The following SLC8A1 variants were observed in gnomAD, a reference collection of about 807,000 sequenced individuals.
SLC8A1 encodes the protein sodium/calcium exchanger 1.
Under a neutral mutation model 68.3 loss-of-function variants are expected in SLC8A1, and 18 were observed. That is an observed-to-expected ratio of 0.26 (90% CI 0.18 to 0.39). The LOEUF (loss-of-function observed/expected upper bound fraction) is 0.39. Ranked by LOEUF, SLC8A1 falls within the 10% of genes least tolerant of loss-of-function variation. SLC8A1 has a pLI of 1.00. For missense variants in SLC8A1, 985 were observed against 1,156.7 expected, an observed-to-expected ratio of 0.85 and a Z score of 2.15; for synonymous variants, 475 against 415.5, an observed-to-expected ratio of 1.14 and a Z score of -1.74.
Position 40,325,668 on chromosome 2 carries a change from G to A in SLC8A1, c.1808+102805C>T, listed in dbSNP as rs182147279. 4.7e-4 allele frequency among the ~76,000 whole-genome samples: 70 copies of A among 150,482 alleles called. No individual in the cohort carries two copies. In the South Asian group the frequency reaches 9.6e-3, roughly 21 times the overall value. ...AAAATAAGCATCTCTTGGGCCGGGC[G>A]CACGCCTGTAATCTCAGCACTTTGG... On this transcript the variant is annotated intron_variant, in intron 2 of 7. Coordinates refer to ENST00000406785, the Ensembl canonical transcript of SLC8A1.
intron 2 of SLC8A1, among the ~76,000 whole-genome samples, chr2:40,246,891 C>T (rs149990593): frequency 1.4e-4 from 22 of 152,154 alleles, no homozygotes; most frequent in African/African-American, 5.3e-4. Flanking sequence ...TGTGAAAACA[C>T]AGTAGCTACC....
chr2:40,496,528 G>T (rs939770630), intron 1 of SLC8A1, among the ~76,000 whole-genome samples: 15 of 151,950 alleles, frequency 9.9e-5, no homozygotes, highest in African/African-American at 3.4e-4. Flanking sequence ...CTTTTAAAAG[G>T]TTATTCTGAG....
chr2:40,463,856 ACACACACAC>A (rs1328757376), intron 1 of SLC8A1, among the ~76,000 whole-genome samples: 1 of 133,188 alleles, frequency 7.5e-6, no homozygotes, highest in Non-Finnish European at 1.5e-5. Flanking sequence ...ACACACACAC[ACACACACAC>A]ACACACACAC....
At chr2:40,469,721 T>C (rs533849774) in intron 1 of SLC8A1, among the ~76,000 whole-genome samples, 1 of 152,300 alleles carries the variant, frequency 6.6e-6, no homozygotes, top group South Asian at 2.1e-4. Context: ...TCCCCTGTCT[T>C]TCCTATATAT....
At chr2:40,251,362 G>GTGGAAAATCTCTTCATTGTTGTGTGGCA (rs1158479852) in intron 2 of SLC8A1, 3 of 152,178 alleles carry the variant, frequency 2.0e-5, no homozygotes, top group Non-Finnish European at 4.4e-5. Flanking sequence ...TACTGCTAAT[G>GTGGAAAATCTCTTCATTGTTGTGTGGCA]TGGAAAATCT....
At chr2:40,207,144 C>T (rs1253126643) in intron 2 of SLC8A1, among the ~76,000 whole-genome samples, 1 of 151,936 alleles carries the variant, frequency 6.6e-6, no homozygotes, top group African/African-American at 2.4e-5. Flanking sequence ...GGCATTTTTT[C>T]TTGGTTAGTG....
In SLC8A1 at chr2:40,449,653, G is replaced by A. The variant is rs937892865; in HGVS notation, c.-25+2251C>T. ...GTGCTTAATCTGAAACGTTACAGTA[G>A]GAACCACTATATAATAATATTAAAG... On this transcript the variant is annotated intron_variant, in intron 1 of 7. Coordinates refer to ENST00000406785, the Ensembl canonical transcript of SLC8A1. Among the ~76,000 whole-genome samples the A allele has an allele frequency of 2.8e-5, 4 of 144,068 alleles. No homozygotes were observed. In the East Asian group the frequency reaches 8.7e-4, roughly 31 times the overall value. The allele number at this position is 144,068 out of a possible 152,430, so 94.5% of individuals were successfully genotyped here.
chr2:40,277,486 G>T (rs1399507573), intron 2 of SLC8A1, among the ~76,000 whole-genome samples: 3 of 152,084 alleles, frequency 2.0e-5, no homozygotes, highest in Non-Finnish European at 4.4e-5. Flanking sequence ...GTTGCAGTGA[G>T]CTGAGATACG....
chr2:40,399,011 T>C (rs1174743857), intron 2 of SLC8A1, among the ~76,000 whole-genome samples: 1 of 152,152 alleles, frequency 6.6e-6, no homozygotes. Context: ...ATAAGGAATG[T>C]AAAGTCACAA....
At chr2:40,374,377 A>G (rs1679125565) in intron 2 of SLC8A1, among the ~76,000 whole-genome samples, 1 of 151,884 alleles carries the variant, frequency 6.6e-6, no homozygotes, top group Non-Finnish European at 1.5e-5. Flanking sequence ...ATTAAAAACA[A>G]AAACAAAAAC....
intron 1 of SLC8A1, among the ~76,000 whole-genome samples, chr2:40,449,066 G>A (rs72798679): frequency 0.042 from 6,354 of 151,216 alleles, 214 homozygotes; most frequent in Non-Finnish European, 0.059. Flanking sequence ...TTTTAGGGCA[G>A]TCTCCTTCTT....
intron 2 of SLC8A1, among the ~76,000 whole-genome samples, chr2:40,214,935 G>A (rs2057218978): frequency 6.6e-6 from 1 of 152,134 alleles, no homozygotes; most frequent in Non-Finnish European, 1.5e-5. Flanking sequence ...ATATGTCAAT[G>A]ATTTTACCGG....
chr2:40,172,987 A>G (rs105288), intron 4 of SLC8A1, among the ~76,000 whole-genome samples: 15,444 of 152,118 alleles, frequency 0.1, 921 homozygotes, highest in Middle Eastern at 0.2. Context: ...AAGATATTCA[A>G]ACACGTCAAT....
intron 2 of SLC8A1, among the ~76,000 whole-genome samples, chr2:40,299,778 C>T (rs2071091099): frequency 6.6e-6 from 1 of 152,096 alleles, no homozygotes; most frequent in South Asian, 2.1e-4. Context: ...CATAATAATC[C>T]CTGGGCCTTT....
At chr2:40,423,912 A>G (rs952722650) in intron 2 of SLC8A1, among the ~76,000 whole-genome samples, 2 of 152,026 alleles carry the variant, frequency 1.3e-5, no homozygotes, top group Admixed American at 1.3e-4. Flanking sequence ...TTGGCTCTAA[A>G]AAGACATAAA....
chr2:40,365,156 C>G (rs1377253083), intron 2 of SLC8A1, among the ~76,000 whole-genome samples: 1 of 151,730 alleles, frequency 6.6e-6, no homozygotes, highest in Non-Finnish European at 1.5e-5. Context: ...CTTATTTGAA[C>G]CTCTGAAAAC....
At position 40,416,712 on chromosome 2, in the gene SLC8A1, A is replaced by G. The variant is rs543446827; in HGVS notation, c.1808+11761T>C. Reference sequence around the variant, plus strand: ...AACTAACCAGACCAGTAGCCTAATGAGCCAAGTTGGTTCTGGAACTCCTGA... The same window carrying G: ...AACTAACCAGACCAGTAGCCTAATGGGCCAAGTTGGTTCTGGAACTCCTGA... On this transcript the variant is annotated intron_variant, in intron 2 of 7. Coordinates refer to ENST00000406785, the Ensembl canonical transcript of SLC8A1. 1.1e-4 allele frequency among the ~76,000 whole-genome samples: 17 copies of G among 152,136 alleles called. 2 individuals carry two copies. In the South Asian group the frequency reaches 3.3e-3, roughly 30 times the overall value.
intron 2 of SLC8A1, among the ~76,000 whole-genome samples, chr2:40,403,568 G>C (rs182062187): frequency 6.6e-6 from 1 of 152,336 alleles, no homozygotes; most frequent in East Asian, 1.9e-4. Context: ...TTCTGAAACA[G>C]TCAAGTCATG....
chr2:40,159,317 A>G (rs139111148), intron 6 of SLC8A1, among the ~76,000 whole-genome samples: 1 of 152,230 alleles, frequency 6.6e-6, no homozygotes, highest in Non-Finnish European at 1.5e-5. Context: ...TGTGCCTTGC[A>G]CCAAGAACAA....
Sources: gnomAD v4.1 joint callset for allele counts (sites outside exome capture counted in the v4.1 genomes callset) on GRCh38, gnomAD v4.1.1 for gene constraint, MANE v1.5 for transcripts, NCBI Gene and HGNC (gene_info 2026-07-23, HGNC 2026-07-21) for gene names.